Variants in PKLR observed in about 807,000 individuals in gnomAD.
The protein encoded by PKLR is pyruvate kinase PKLR.
In PKLR, 38 loss-of-function variants were observed where a neutral mutation model predicts 53.6. The observed-to-expected ratio is 0.71, with a 90% CI of 0.55 to 0.93. The LOEUF (loss-of-function observed/expected upper bound fraction) is 0.93. Among genes scored for constraint, PKLR ranks in the 40% least tolerant of loss-of-function variants. The probability of loss-of-function intolerance (pLI) is 0.00; values close to 1 mark genes in which losing one functional copy is unlikely to be tolerated. For synonymous variants in PKLR, 328 were observed against 316.2 expected (o/e 1.04, Z -0.39); for missense variants, 702 against 787.3 (o/e 0.89, Z 1.30).
In PKLR at chr1:155,301,359, G is replaced by T; in HGVS notation, c.37C>A (p.Arg13=). The change falls in exon 1 of 11, where the codon CGG becomes AGG. Residue 13 remains arginine (R), a synonymous_variant. Coordinates refer to ENST00000342741, the MANE Select transcript of PKLR (RefSeq NM_000298.6). The part of the protein sequence containing the change: ...IQENISSLQL[R]SWVSKSQRDL... ...CTTTGGGACTTAGAGACCCATGACC[G>T]AAGCTGCAGGGATGATATGTTCTCC... 6.2e-7 allele frequency: 1 copy of T among 1,613,984 alleles called. No individual in the cohort carries two copies. The highest frequency in any genetic ancestry group is 8.5e-7 in the Non-Finnish European group (1 of 1,179,894).
chr1:155,296,189 G>A (rs1427756011), intron 2 of PKLR, among the ~76,000 whole-genome samples: 1 of 152,112 alleles, frequency 6.6e-6, no homozygotes, highest in African/African-American at 2.4e-5. Context: ...CACTGCTATG[G>A]GGCAGCTGCT....
upstream of PKLR, among the ~76,000 whole-genome samples, chr1:155,301,653 T>G (rs555319827): frequency 6.6e-6 from 1 of 152,246 alleles, no homozygotes; most frequent in East Asian, 1.9e-4. Flanking sequence ...ATTTTTTTTT[T>G]GGCCAGTCAT....
Position 155,295,509 on chromosome 1 carries a change from T to C in PKLR, c.435A>G (p.Pro145=). 6.2e-7 allele frequency: 1 copy of C among 1,611,564 alleles called. No homozygotes were observed. The highest frequency in any genetic ancestry group is 1.1e-5 in the South Asian group (1 of 90,784). ...REAVESFAGS[P]LSYRPVAIAL... is the part of the protein sequence containing the mutation. Reference sequence around the variant, plus strand: ...CGATGGCCACGGGCCGGTAGCTGAGTGGGGAACCTGCAAAGCTCTCCACCG... The same window carrying C: ...CGATGGCCACGGGCCGGTAGCTGAGCGGGGAACCTGCAAAGCTCTCCACCG... The change falls in exon 4 of 11, where the codon CCA becomes CCG. Residue 145 remains proline, a synonymous_variant. Coordinates refer to ENST00000342741, the MANE Select transcript of PKLR (RefSeq NM_000298.6). The surrounding 1 kb of genome is among the most constrained non-coding windows in gnomAD (Gnocchi z 4.3).
chr1:155,291,556 C>T (rs1042775304), intron 10 of PKLR, among the ~76,000 whole-genome samples, 200 bp downstream of exon 10: 2 of 151,692 alleles, frequency 1.3e-5, no homozygotes, highest in Non-Finnish European at 1.5e-5. Flanking sequence ...CTAAGTAGCA[C>T]GGCCGTCTGC....
intron 2 of PKLR, among the ~76,000 whole-genome samples, chr1:155,299,014 CT>C (rs1266768621): frequency 2.9e-5 from 3 of 102,534 alleles, no homozygotes; most frequent in East Asian, 4.5e-4. Flanking sequence ...TTCTTTCTTT[CT>C]TTCTTTCTTT....
chr1:155,301,959 A>T (rs563580844), upstream of PKLR, among the ~76,000 whole-genome samples: 1 of 152,186 alleles, frequency 6.6e-6, no homozygotes, highest in South Asian at 2.1e-4. Context: ...GTTGCTGGAA[A>T]CACTGAAAGA....
At chr1:155,308,179 G>C in the PKLR span, among the ~76,000 whole-genome samples, 1 of 150,840 alleles carries the variant, frequency 6.6e-6, no homozygotes, top group Non-Finnish European at 1.5e-5. Context: ...TCCCGCCTCA[G>C]CCCTCCTGAG....
chr1:155,300,189 AGCAGCTG>A lies in PKLR; in HGVS notation c.185_191del (p.Pro62LeufsTer44), dbSNP rs1425595787. ...GGTGTTCCAGGAAGGTGTCTGCCAT[AGCAGCTG>A]GCAGCTGCTGCTGCTGGAAGAAGGC... On this transcript the variant is annotated frameshift_variant, in exon 2 of 11. Coordinates refer to ENST00000342741, the MANE Select transcript of PKLR (RefSeq NM_000298.6). LOFTEE classifies it high-confidence loss of function. The A allele has an allele frequency of 6.2e-7, 1 of 1,613,978 alleles. No individual in the cohort carries two copies. The highest frequency in any genetic ancestry group is 1.1e-5 in the South Asian group (1 of 91,084).
Position 155,295,250 on chromosome 1 carries a change from A to G in PKLR, c.560T>C (p.Val187Ala), listed in dbSNP as rs370932346. ...CCCCCGCGTCCGGAACGCGGGGTCC[A>G]CAGTCACCAGCACCTGGGAGCCCTT... is the stretch of plus-strand genomic sequence containing the variant. The part of the protein sequence containing the change: ...LVKGSQVLVT[V>A]DPAFRTRGNA... Residue 187 changes from valine (V) to alanine (A), a missense_variant, in exon 5 of 11, where the codon GTG (valine) becomes GCG (alanine). Physicochemically the swap from Val to Ala is moderately conservative, Grantham distance 64. Around this residue, in one of 2 missense-constraint regions of PKLR, gnomAD observed 519 missense variants for 537.1 expected, o/e 0.97. Transcript: ENST00000342741. The surrounding 1 kb of genome is among the most constrained non-coding windows in gnomAD (Gnocchi z 4.3). The G allele has an allele frequency of 6.8e-6, 11 of 1,613,944 alleles. No individual in the cohort carries two copies. The highest frequency in any genetic ancestry group is 1.6e-4 in the Middle Eastern group (1 of 6,084).
At chr1:155,300,065 CCT>C in intron 2 of PKLR, 31 bp downstream of exon 2, 1 of 1,594,996 alleles carries the variant, frequency 6.3e-7, no homozygotes, top group South Asian at 1.1e-5. Flanking sequence ...ACCAATAGGC[CCT>C]GTGTGGCTGC....
At chr1:155,300,821 A>G (rs1023171229) in intron 1 of PKLR, 4 of 1,591,768 alleles carry the variant, frequency 2.5e-6, no homozygotes, top group Admixed American at 1.7e-5. Flanking sequence ...TGCTACAGAC[A>G]CAGAGGTCCC....
intron 2 of PKLR, among the ~76,000 whole-genome samples, chr1:155,296,752 A>C (rs1384604282): frequency 2.6e-5 from 4 of 152,014 alleles, no homozygotes; most frequent in Non-Finnish European, 5.9e-5. Flanking sequence ...CCTCAGTCCC[A>C]GTATTTGCTC....
chr1:155,296,741 C>T (rs997368910), intron 2 of PKLR, among the ~76,000 whole-genome samples: 1 of 152,080 alleles, frequency 6.6e-6, no homozygotes, highest in African/African-American at 2.4e-5. Flanking sequence ...TCCTGGTTTC[C>T]CCTCAGTCCC....
Position 155,290,457 on chromosome 1 carries a change from T to C in PKLR, c.*115A>G. 1.4e-6 allele frequency: 1 copy of C among 708,488 alleles called. No homozygotes were observed. The highest frequency in any genetic ancestry group is 2.6e-6 in the Non-Finnish European group (1 of 389,022). The allele number at this position is 708,488 out of a possible 1,614,324, so 43.9% of individuals were successfully genotyped here. A position where few individuals can be genotyped will look rare whatever the true frequency, so the allele number is the denominator to read the frequency against. ...GGCCTCAGGTAGGGAGGGTCAGGAA[T>C]AGAGAAGAGAGGACTTAAAGGTGGG... On this transcript the variant is annotated 3_prime_UTR_variant, in exon 11 of 11. Coordinates refer to ENST00000342741, the MANE Select transcript of PKLR (RefSeq NM_000298.6).
chr1:155,293,392 G>T lies in PKLR; in HGVS notation c.1269+46C>A. 1.9e-6 allele frequency: 3 copies of T among 1,614,214 alleles called. No individual in the cohort carries two copies. The highest frequency in any genetic ancestry group is 1.7e-5 in the Admixed American group (1 of 60,028). ...TGGGAAGGGGCACTGGGGTATGGAA[G>T]GGATTTGGTTCCCTGGCCCATTTGC... is the stretch of plus-strand genomic sequence containing the variant. On this transcript the variant is annotated intron_variant, in intron 8 of 10. Transcript: ENST00000342741. This position sits in a 1 kb window ranked among gnomAD's most constrained non-coding sequence, Gnocchi z 4.2.
rs750540943 is a variant in PKLR, at chr1:155,293,210, G to C, written c.1403C>G (p.Ala468Gly). The C allele has an allele frequency of 1.9e-6, 3 of 1,614,088 alleles. No individual in the cohort carries two copies. The East Asian group carries it at 6.7e-5, about 36-fold the overall frequency. The change falls in exon 9 of 11, where the codon GCT becomes GGT. Residue 468 changes from alanine to glycine, a missense_variant. By Grantham distance (60) the Ala-to-Gly change is moderately conservative. Coordinates refer to ENST00000342741, the MANE Select transcript of PKLR (RefSeq NM_000298.6). This position sits in a 1 kb window ranked among gnomAD's most constrained non-coding sequence, Gnocchi z 4.2. Reference protein sequence around the residue: ...GAVEAAFKCCAAAIIVLTTTG... With the variant: ...GAVEAAFKCCGAAIIVLTTTG... ...TGTGGTCAGCACAATGATGGCAGCA[G>C]CACAGCACTTGAAGGCAGCCTCCAC...
chr1:155,298,990 CT>C (rs1294595230), intron 2 of PKLR, among the ~76,000 whole-genome samples: 1 of 94,364 alleles, frequency 1.1e-5, no homozygotes, highest in Non-Finnish European at 1.9e-5. Flanking sequence ...TTCTTTCTTT[CT>C]TTCTTTCTTT....
chr1:155,295,846 C>T lies in PKLR; in HGVS notation c.284-90G>A, dbSNP rs538257138. The T allele has an allele frequency of 5.7e-6, 6 of 1,054,862 alleles. No individual in the cohort carries two copies. The highest frequency in any genetic ancestry group is 4.8e-5 in the East Asian group (2 of 41,548). 65.3% of individuals were successfully genotyped at this position (1,054,862 alleles called of 1,614,324 possible). A position where few individuals can be genotyped will look rare whatever the true frequency, so the allele number is the denominator to read the frequency against. On this transcript the variant is annotated intron_variant, in intron 2 of 10. Transcript: ENST00000342741. This position sits in a 1 kb window ranked among gnomAD's most constrained non-coding sequence, Gnocchi z 4.3. ...CCATTACCATTCTCAGAACGCCTCA[C>T]GCCACAGGCGTCCTGTTACCTGATC...
chr1:155,290,609 C>T lies in PKLR; in HGVS notation c.1688G>A (p.Gly563Asp), dbSNP rs1185256935. The change falls in exon 11 of 11, where the codon GGC (glycine) becomes GAC (aspartate). Residue 563 changes from glycine to aspartate, a missense_variant. This residue lies in a region of PKLR where 183 missense variants were observed against 250.2 expected (regional missense o/e 0.73). Transcript: ENST00000342741. ...TAGCACCCGCATGATGTTGGTGTAG[C>T]CGGAGCCAGGTCGCCAGCCTGTCAC... is the stretch of plus-strand genomic sequence containing the variant. ...IVVTGWRPGS[G>D]YTNIMRVLSI... 1 of 1,613,196 alleles carries T rather than the reference C, an allele frequency of 6.2e-7. No individual in the cohort carries two copies. The highest frequency in any genetic ancestry group is 8.5e-7 in the Non-Finnish European group (1 of 1,179,472).
Sources: gnomAD v4.1 joint callset for allele counts (sites outside exome capture counted in the v4.1 genomes callset) on GRCh38, gnomAD v4.1.1 for gene constraint, gnomAD v4.1.1 regional missense constraint, Gnocchi (gnomAD v3.1) non-coding constraint, MANE v1.5 for transcripts, NCBI Gene and HGNC (gene_info 2026-07-23, HGNC 2026-07-21) for gene names.